The following C2CD2 variants were observed in gnomAD, a reference collection of about 807,000 sequenced individuals.
C2CD2 encodes C2 domain-containing protein 2.
C2CD2 carries 43 observed loss-of-function variants against 74.3 expected under a neutral mutation model. The observed-to-expected ratio is 0.58, with a 90% CI of 0.45 to 0.75. The LOEUF (loss-of-function observed/expected upper bound fraction) is 0.75. Among genes scored for constraint, C2CD2 ranks in the 30% least tolerant of loss-of-function variants. The pLI, the probability that C2CD2 is intolerant of heterozygous loss-of-function variation, is 0.00. For synonymous variants in C2CD2, 422 were observed against 390.7 expected (o/e 1.08, Z -0.94); for missense variants, 801 against 916.3 (o/e 0.87, Z 1.63).
chr21:41,949,317 A>T (rs2065431133), intron 1 of C2CD2, among the ~76,000 whole-genome samples: 1 of 152,188 alleles, frequency 6.6e-6, no homozygotes, highest in Admixed American at 6.5e-5. Context: ...GGAAAAGCTC[A>T]ACTGCTGCTT....
In C2CD2 at chr21:41,918,192, A is replaced by G. The variant is rs2146192579; in HGVS notation, c.633T>C (p.Val211=). The change falls in exon 5 of 14, where the codon GTT becomes GTC. Residue 211 remains valine, a synonymous_variant. Transcript: ENST00000380486. Reference sequence around the variant, plus strand: ...CCAAATGCTTCAAGATGTCCTTGAGAACGTCAGACATCGCACTTGTCTCAG... The same window carrying G: ...CCAAATGCTTCAAGATGTCCTTGAGGACGTCAGACATCGCACTTGTCTCAG... ...QVAETSAMSD[V]LKDILKHLAG... is the part of the protein sequence containing the mutation. The G allele has an allele frequency of 6.2e-7, 1 of 1,614,048 alleles. No individual in the cohort carries two copies. The highest frequency in any genetic ancestry group is 8.5e-7 in the Non-Finnish European group (1 of 1,179,914).
Position 41,924,050 on chromosome 21 carries a change from T to C in C2CD2, c.379-1965A>G, listed in dbSNP as rs909276342. ...ACCTCCTCATTCCCAAAAGAACCAC[T>C]GACTCCACTGCAGGGAGTCACAGGA... On this transcript the variant is annotated intron_variant, in intron 2 of 13. Transcript: ENST00000380486. This position sits in a 1 kb window ranked among gnomAD's most constrained non-coding sequence, Gnocchi z 4.4. Among the ~76,000 whole-genome samples, 2 of 152,238 alleles carry C rather than the reference T, an allele frequency of 1.3e-5. No individual in the cohort carries two copies. Among genetic ancestry groups the C allele is most frequent in the African/African-American group, 2.4e-5 (1 of 41,472 alleles).
Position 41,943,439 on chromosome 21 carries a change from C to T in C2CD2, c.280-1194G>A, listed in dbSNP as rs547348138. 2.0e-5 allele frequency among the ~76,000 whole-genome samples: 3 copies of T among 152,324 alleles called. No homozygotes were observed. In the East Asian group the frequency reaches 5.8e-4, roughly 29 times the overall value. On this transcript the variant is annotated intron_variant, in intron 1 of 13. Coordinates refer to ENST00000380486, the MANE Select transcript of C2CD2 (RefSeq NM_015500.2). ...AAGTCTTGTCTAGCTCTCGAGAGGC[C>T]AAACGTGTACATCAACAACACAATC...
At chr21:41,901,298 G>A (rs866810594) in intron 12 of C2CD2, 14 of 380,088 alleles carry the variant, frequency 3.7e-5, no homozygotes, top group Middle Eastern at 8.2e-4. Flanking sequence ...GGGTGGTGAC[G>A]AGAGCAGAGG....
At position 41,892,286 on chromosome 21, in the gene C2CD2, G is replaced by A. The variant is rs369834352; in HGVS notation, c.1871-2942C>T. Among the ~76,000 whole-genome samples, 171 of 152,278 alleles carry A rather than the reference G, an allele frequency of 1.1e-3. No homozygotes were observed. Among genetic ancestry groups the A allele is most frequent in the African/African-American group, 3.9e-3 (162 of 41,550 alleles). On this transcript the variant is annotated intron_variant, in intron 13 of 13. Coordinates refer to ENST00000380486, the MANE Select transcript of C2CD2 (RefSeq NM_015500.2). This position sits in a 1 kb window ranked among gnomAD's most constrained non-coding sequence, Gnocchi z 4.6. Reference sequence around the variant, plus strand: ...AGGTTGTCAGCAGCTGTCAGGAGCTGGAGAGGCGGGAGCAGGCTCTCCCAC... The same window carrying A: ...AGGTTGTCAGCAGCTGTCAGGAGCTAGAGAGGCGGGAGCAGGCTCTCCCAC...
intron 8 of C2CD2, 61 bp from the exon 9 acceptor site, chr21:41,907,845 G>A: frequency 5.6e-6 from 9 of 1,594,648 alleles, no homozygotes; most frequent in Admixed American, 1.7e-5. Flanking sequence ...CCGTGAGGAC[G>A]GAAAGGCCCA....
At chr21:41,938,167 GTATA>G (rs369249753) in intron 2 of C2CD2, among the ~76,000 whole-genome samples, 7 of 147,014 alleles carry the variant, frequency 4.8e-5, no homozygotes, top group Admixed American at 1.4e-4. Context: ...TTCCACACGT[GTATA>G]TATATATATA....
Position 41,920,879 on chromosome 21 carries a change from T to C in C2CD2, c.492+1093A>G, listed in dbSNP as rs565681429. On this transcript the variant is annotated intron_variant, in intron 3 of 13. Transcript: ENST00000380486. ...TCTGGTCTCATTCAGTTCCAAAACA[T>C]GCATCAAATGTTGGGTAAATATGAC... 3.9e-5 allele frequency among the ~76,000 whole-genome samples: 6 copies of C among 152,368 alleles called. No individual in the cohort carries two copies. In the South Asian group the frequency reaches 1.2e-3, roughly 32 times the overall value.
chr21:41,918,968 A>C lies in C2CD2; in HGVS notation c.493-8T>G. The C allele has an allele frequency of 6.2e-7, 1 of 1,605,018 alleles. No homozygotes were observed. Among genetic ancestry groups the C allele is most frequent in the East Asian group, 2.2e-5 (1 of 44,828 alleles). Reference sequence around the variant, plus strand: ...CTTCATGTGGAACTCCAGCTATTAAAAAACAAGTTATTAGAGGGCCACTCT... The same window carrying C: ...CTTCATGTGGAACTCCAGCTATTAACAAACAAGTTATTAGAGGGCCACTCT... On this transcript the variant is annotated splice_region_variant and splice_polypyrimidine_tract_variant and intron_variant, in intron 3 of 13. Transcript: ENST00000380486.
intron 6 of C2CD2, among the ~76,000 whole-genome samples, chr21:41,913,300 A>G (rs1224428286): frequency 6.6e-6 from 1 of 152,244 alleles, no homozygotes; most frequent in Non-Finnish European, 1.5e-5. Flanking sequence ...TTCTCCCTGC[A>G]GCACAAAGTC....
chr21:41,906,611 C>T (rs1392229272), intron 10 of C2CD2, among the ~76,000 whole-genome samples: 4 of 152,120 alleles, frequency 2.6e-5, no homozygotes, highest in Non-Finnish European at 5.9e-5. Flanking sequence ...GTGATCTGCC[C>T]GCCTCGGCTT....
At chr21:41,898,762 G>T (rs172637) in intron 13 of C2CD2, among the ~76,000 whole-genome samples, 2 of 152,080 alleles carry the variant, frequency 1.3e-5, no homozygotes, top group African/African-American at 4.8e-5. Flanking sequence ...TTGGTAACCC[G>T]TCGGGAAGCC....
At chr21:41,906,156 G>A (rs1394009223) in intron 10 of C2CD2, among the ~76,000 whole-genome samples, 1 of 152,322 alleles carries the variant, frequency 6.6e-6, no homozygotes, top group Non-Finnish European at 1.5e-5. Context: ...GAGAAATAAA[G>A]CATACGCTTA....
Position 41,932,714 on chromosome 21 carries a change from T to G in C2CD2, c.378+9433A>C, listed in dbSNP as rs1399211357. 2.0e-5 allele frequency among the ~76,000 whole-genome samples: 3 copies of G among 150,558 alleles called. No homozygotes were observed. In the East Asian group the frequency reaches 5.9e-4, roughly 29 times the overall value. On this transcript the variant is annotated intron_variant, in intron 2 of 13. Coordinates refer to ENST00000380486, the MANE Select transcript of C2CD2 (RefSeq NM_015500.2). ...GCCGCAGCCGCGGCTGGGCCGGGTG[T>G]GGACTCTGCACTTATCTATCGTTGG...
intron 8 of C2CD2, chr21:41,908,532 C>T (rs1293452060): frequency 6.6e-6 from 1 of 152,016 alleles, no homozygotes; most frequent in Admixed American, 6.6e-5. Context: ...TGCAGGTCCC[C>T]GACCTGCGTT....
chr21:41,907,856 C>T (rs984058368), intron 8 of C2CD2, 72 bp from the exon 9 acceptor site: 2 of 1,544,100 alleles, frequency 1.3e-6, no homozygotes, highest in Non-Finnish European at 1.8e-6. Context: ...GAAAGGCCCA[C>T]ACGCCCAGCA....
chr21:41,904,294 G>T (rs554369479), intron 11 of C2CD2, among the ~76,000 whole-genome samples: 15 of 149,104 alleles, frequency 1.0e-4, no homozygotes, highest in African/African-American at 3.8e-4. Flanking sequence ...GGTCTGAAAA[G>T]GGGAGGAATG....
At chr21:41,915,732 G>T (rs534585090) in intron 5 of C2CD2, among the ~76,000 whole-genome samples, 1 of 152,006 alleles carries the variant, frequency 6.6e-6, no homozygotes, top group African/African-American at 2.4e-5. Context: ...GAGCCACCAC[G>T]CCTGGCCAAG....
intron 1 of C2CD2, chr21:41,943,002 TAAAA>T (rs1488071380): frequency 1.0e-6 from 1 of 963,646 alleles, no homozygotes; most frequent in Admixed American, 6.2e-5. Flanking sequence ...TTCTTCCAGT[TAAAA>T]ATCTCCAAGC....
Sources: gnomAD v4.1 joint callset for allele counts (sites outside exome capture counted in the v4.1 genomes callset) on GRCh38, gnomAD v4.1.1 for gene constraint, Gnocchi (gnomAD v3.1) non-coding constraint, MANE v1.5 for transcripts, NCBI Gene and HGNC (gene_info 2026-07-23, HGNC 2026-07-21) for gene names.